ATR: variants seen among roughly 807,000 people sequenced by gnomAD.
ATR encodes the protein serine/threonine-protein kinase ATR.
A neutral mutation model predicts 305.3 loss-of-function variants in ATR; 142 were observed. The ratio of observed to expected loss-of-function variants is 0.47; its 90% confidence interval spans 0.41 to 0.53. ATR has a LOEUF of 0.53. Among genes scored for constraint, ATR ranks in the 20% least tolerant of loss-of-function variants. The pLI is 0.00. For missense variants in ATR, 2,135 were observed against 3,133.1 expected, an observed-to-expected ratio of 0.68 and a Z score of 7.60; for synonymous variants, 1,050 against 1,068.1, an observed-to-expected ratio of 0.98 and a Z score of 0.33.
chr3:142,505,154 C>T lies in ATR; in HGVS notation c.5181G>A (p.Gln1727=), dbSNP rs2108355169. 6.2e-7 allele frequency: 1 copy of T among 1,614,156 alleles called. No individual in the cohort carries two copies. Among genetic ancestry groups the T allele is most frequent in the Non-Finnish European group, 8.5e-7 (1 of 1,180,014 alleles). Residue 1727 remains glutamine (Q), a synonymous_variant, in exon 29 of 47, where the codon CAG becomes CAA. Coordinates refer to ENST00000350721, the MANE Select transcript of ATR (RefSeq NM_001184.4). ...DATACYDRAI[Q]LEPDQIIHYH... is the part of the protein sequence containing the mutation. The stretch of plus-strand genomic sequence containing the variant: ...ATTATCTTACCTGGTCTGGTTCTAG[C>T]TGAATAGCCCTGTCATAACAAGCAG...
At position 142,482,434 on chromosome 3, in the gene ATR, T is replaced by C. The variant is rs142715636; in HGVS notation, c.6221+2706A>G. ...TTTTATGCATATAGAGGACTTTATA[T>C]AGCCACTTGTTTTAAAAGAAATGTG... On this transcript the variant is annotated intron_variant, in intron 36 of 46. Coordinates refer to ENST00000350721, the MANE Select transcript of ATR (RefSeq NM_001184.4). Among the ~76,000 whole-genome samples, 10 of 152,360 alleles carry C rather than the reference T, an allele frequency of 6.6e-5. No individual in the cohort carries two copies. The East Asian group carries it at 1.7e-3, about 26-fold the overall frequency.
chr3:142,540,982 C>T lies in ATR; in HGVS notation c.3503G>A (p.Ser1168Asn), dbSNP rs749578811. The T allele has an allele frequency of 6.2e-7, 1 of 1,613,674 alleles. No individual in the cohort carries two copies. Among genetic ancestry groups the T allele is most frequent in the Non-Finnish European group, 8.5e-7 (1 of 1,179,738 alleles). The change falls in exon 18 of 47, where the codon AGT becomes AAT. Residue 1168 changes from serine (S) to asparagine (N), a missense_variant. Ser to Asn is a conservative substitution (Grantham distance 46). This residue lies in a region of ATR where 530 missense variants were observed against 766.8 expected (regional missense o/e 0.69). Coordinates refer to ENST00000350721, the MANE Select transcript of ATR (RefSeq NM_001184.4). ...LMKLMGPKHV[S>N]SVRVKMMTTL... is the part of the protein sequence containing the mutation. The stretch of plus-strand genomic sequence containing the variant: ...GGTCATCATCTTCACCCTCACAGAA[C>T]TGACATGTTTGGGTCCCATTAACTT...
chr3:142,576,172 T>A (rs761002110), intron 1 of ATR, among the ~76,000 whole-genome samples: 2 of 152,214 alleles, frequency 1.3e-5, no homozygotes, highest in Non-Finnish European at 2.9e-5. Flanking sequence ...AACTAACTTA[T>A]GGATTATTAA....
chr3:142,550,524 GA>G (rs1287217088), intron 13 of ATR, among the ~76,000 whole-genome samples: 2 of 152,164 alleles, frequency 1.3e-5, no homozygotes, highest in African/African-American at 4.8e-5. Context: ...TCATGCTAAG[GA>G]TTATACCACA....
intron 36 of ATR, among the ~76,000 whole-genome samples, chr3:142,481,062 C>T (rs570280003): frequency 2.0e-5 from 3 of 152,344 alleles, no homozygotes; most frequent in Non-Finnish European, 4.4e-5. Flanking sequence ...TGCCCTGCTT[C>T]GGCTCATGCT....
At chr3:142,480,716 G>A (rs2030375967) in intron 36 of ATR, among the ~76,000 whole-genome samples, 2 of 152,182 alleles carry the variant, frequency 1.3e-5, no homozygotes, top group African/African-American at 4.8e-5. Flanking sequence ...AGGCCTCCTT[G>A]AGCTGCAGTG....
rs746028653 is a variant in ATR, at chr3:142,556,102, C to A, written c.2116G>T (p.Glu706Ter). ...AGTTGACCAAGTATAGAAGCAAATT[C>A]TTTCTTGACAATGTCAGAATCATCT... ...VKDDSDIVKK[E>*]FASILGQLVC... Residue 706 changes from glutamate (E) to a stop codon, truncating the protein, a stop_gained, in exon 10 of 47, where the codon GAA becomes TAA. Coordinates refer to ENST00000350721, the MANE Select transcript of ATR (RefSeq NM_001184.4). LOFTEE classifies it high-confidence loss of function. 1.2e-6 allele frequency: 2 copies of A among 1,613,068 alleles called. No homozygotes were observed. Among genetic ancestry groups the A allele is most frequent in the Non-Finnish European group, 1.7e-6 (2 of 1,179,706 alleles).
At chr3:142,497,645 G>A (rs1484447884) in intron 32 of ATR, among the ~76,000 whole-genome samples, 1 of 151,782 alleles carries the variant, frequency 6.6e-6, no homozygotes, top group Non-Finnish European at 1.5e-5. Context: ...TTAGGGATTT[G>A]CAGTGAATCC....
intron 1 of ATR, among the ~76,000 whole-genome samples, chr3:142,571,802 G>A (rs867004956): frequency 2.8e-4 from 42 of 152,136 alleles, no homozygotes; most frequent in Middle Eastern, 6.8e-3. Context: ...TCGCTCTGTC[G>A]GCCAGGGTGA....
At chr3:142,552,037 G>A (rs1225345412) in intron 13 of ATR, among the ~76,000 whole-genome samples, 1 of 152,036 alleles carries the variant, frequency 6.6e-6, no homozygotes, top group Non-Finnish European at 1.5e-5. Context: ...CATACATGCA[G>A]CCAGCCAACG....
chr3:142,557,737 A>C lies in ATR; in HGVS notation c.1885+887T>G, dbSNP rs541873780. On this transcript the variant is annotated intron_variant, in intron 8 of 46. Transcript: ENST00000350721. ...AACCTCTGCCTCCTGGGTTCAAGAG[A>C]TTCTTGTATCTCAGCCTCCCTAGTA... 6.0e-4 allele frequency among the ~76,000 whole-genome samples: 92 copies of C among 152,228 alleles called. 3 individuals carry two copies. In the South Asian group the frequency reaches 0.018, roughly 31 times the overall value.
chr3:142,548,002 G>A, intron 15 of ATR, 92 bp from the exon 16 acceptor site: 2 of 1,115,928 alleles, frequency 1.8e-6, no homozygotes, highest in African/African-American at 1.6e-5. Context: ...TAGTACATCA[G>A]GAGCTCTAGC....
At position 142,449,405 on chromosome 3, in the gene ATR, CAT is replaced by C. The variant is rs759069893; in HGVS notation, c.*22_*23del. The stretch of plus-strand genomic sequence containing the variant: ...AAATGCATTACTTTTAGATTATTAA[CAT>C]ATTCTTTTACATAATTTCATTTCAC... On this transcript the variant is annotated 3_prime_UTR_variant, in exon 47 of 47. Transcript: ENST00000350721. The C allele has an allele frequency of 5.7e-6, 9 of 1,572,186 alleles. No homozygotes were observed. Among genetic ancestry groups the C allele is most frequent in the East Asian group, 2.2e-5 (1 of 44,626 alleles).
intron 13 of ATR, among the ~76,000 whole-genome samples, chr3:142,551,254 T>C (rs989068053): frequency 1.4e-4 from 21 of 151,880 alleles, no homozygotes; most frequent in African/African-American, 5.1e-4. Context: ...TAAAACCCCA[T>C]CTCTACAGAT....
intron 1 of ATR, among the ~76,000 whole-genome samples, chr3:142,572,787 A>G (rs1333805581): frequency 2.0e-5 from 3 of 152,118 alleles, no homozygotes; most frequent in African/African-American, 7.2e-5. Context: ...TAGAAAAGAA[A>G]AAAAAGAACT....
intron 19 of ATR, among the ~76,000 whole-genome samples, chr3:142,536,642 G>C (rs1043490248): frequency 6.6e-6 from 1 of 152,156 alleles, no homozygotes; most frequent in African/African-American, 2.4e-5. Flanking sequence ...CCGTGGTACA[G>C]AGAGACAGAC....
At chr3:142,455,548 A>G (rs771051241) in intron 45 of ATR, among the ~76,000 whole-genome samples, 3 of 152,252 alleles carry the variant, frequency 2.0e-5, no homozygotes, top group Non-Finnish European at 2.9e-5. Context: ...CTGTGTTGTT[A>G]GCATAAGGTT....
chr3:142,575,408 C>T (rs895755053), intron 1 of ATR, among the ~76,000 whole-genome samples: 1 of 150,042 alleles, frequency 6.7e-6, no homozygotes, highest in East Asian at 2.0e-4. Flanking sequence ...CGCTTGAACC[C>T]GGGAGGCAGA....
In ATR at chr3:142,513,457, T is replaced by G. The variant is rs760823529; in HGVS notation, c.4641+44A>C. 69 of 1,601,130 alleles carry G rather than the reference T, an allele frequency of 4.3e-5. No individual in the cohort carries two copies. The Middle Eastern group carries it at 5.6e-4, about 13-fold the overall frequency. On this transcript the variant is annotated intron_variant, in intron 26 of 46. Coordinates refer to ENST00000350721, the MANE Select transcript of ATR (RefSeq NM_001184.4). ...CTAATACTAATTACATTGGAGAAAG[T>G]AAGTTTCACATGTTCAAAAACCAAG... is the stretch of plus-strand genomic sequence containing the variant.
Sources: allele counts gnomAD v4.1 joint callset (sites outside exome capture counted in the v4.1 genomes callset), GRCh38; gene constraint gnomAD v4.1.1; regional missense constraint gnomAD v4.1.1; transcripts MANE v1.5; gene names NCBI Gene and HGNC (gene_info 2026-07-23, HGNC 2026-07-21).